DNAJC6: variants seen among roughly 807,000 people sequenced by gnomAD.
DNAJC6 encodes the protein auxilin.
A neutral mutation model predicts 110.0 loss-of-function variants in DNAJC6; 34 were observed. The ratio of observed to expected loss-of-function variants is 0.31; its 90% CI spans 0.24 to 0.41. The LOEUF is 0.41. Among genes scored for constraint, DNAJC6 ranks in the 10% least tolerant of loss-of-function variants. DNAJC6 has a pLI of 1.00. For missense variants in DNAJC6, 1,031 were observed against 1,207.8 expected, an observed-to-expected ratio of 0.85 and a Z score of 2.17; for synonymous variants, 406 against 437.2, an observed-to-expected ratio of 0.93 and a Z score of 0.89.
At chr1:65,324,447 C>T (rs190833831) in intron 1 of DNAJC6, among the ~76,000 whole-genome samples, 3 of 152,132 alleles carry the variant, frequency 2.0e-5, no homozygotes, top group South Asian at 2.1e-4. Flanking sequence ...GCAACCTCCA[C>T]CTCCCGGGTT....
intron 1 of DNAJC6, among the ~76,000 whole-genome samples, chr1:65,358,566 T>C (rs189374488): frequency 2.6e-5 from 4 of 152,202 alleles, no homozygotes; most frequent in Non-Finnish European, 5.9e-5. Context: ...TTGTTATTAT[T>C]TTATGTTTAT....
intron 1 of DNAJC6, among the ~76,000 whole-genome samples, chr1:65,314,074 T>G (rs558191498): frequency 6.6e-6 from 1 of 152,290 alleles, no homozygotes; most frequent in African/African-American, 2.4e-5. Context: ...GAAACAGATA[T>G]TAATACTTTT....
intron 2 of DNAJC6, 88 bp downstream of exon 2, chr1:65,364,873 G>T: frequency 9.3e-6 from 14 of 1,511,474 alleles, no homozygotes; most frequent in Non-Finnish European, 1.3e-5. Flanking sequence ...GGCTCAAAGA[G>T]TGTCAATTTT....
intron 1 of DNAJC6, among the ~76,000 whole-genome samples, chr1:65,321,510 T>C (rs1645197227): frequency 6.6e-6 from 1 of 152,180 alleles, no homozygotes; most frequent in African/African-American, 2.4e-5. Context: ...ATTTAATTTT[T>C]TAAAGACGAT....
At chr1:65,324,927 T>C (rs1645228860) in intron 1 of DNAJC6, among the ~76,000 whole-genome samples, 1 of 152,172 alleles carries the variant, frequency 6.6e-6, no homozygotes, top group Non-Finnish European at 1.5e-5. Flanking sequence ...AGGGAAACCC[T>C]GATATAGGGA....
At chr1:65,371,386 CT>C (rs1422641120) in intron 4 of DNAJC6, among the ~76,000 whole-genome samples, 1 of 152,034 alleles carries the variant, frequency 6.6e-6, no homozygotes, top group East Asian at 1.9e-4. Context: ...CACAAGCACT[CT>C]TAGAATTTTT....
chr1:65,384,259 C>A lies in DNAJC6; in HGVS notation c.733C>A (p.Pro245Thr), dbSNP rs543186155. ...CATTTTCTGTAATCTCTACTCTACT[C>A]CTGGCCCAGCCATTCGATTGCTATA... Reference protein sequence around the residue: ...MFIFCNLYSTPGPAIRLLYAK... With the variant: ...MFIFCNLYSTTGPAIRLLYAK... The change falls in exon 6 of 19, where the codon CCT becomes ACT. Residue 245 changes from proline (P) to threonine (T), a missense_variant. Pro to Thr is a conservative substitution (Grantham distance 38). Coordinates refer to ENST00000371069, the MANE Select transcript of DNAJC6 (RefSeq NM_001256864.2). The A allele has an allele frequency of 6.3e-7, 1 of 1,589,170 alleles. No individual in the cohort carries two copies. Among genetic ancestry groups the A allele is most frequent in the African/African-American group, 1.4e-5 (1 of 73,662 alleles).
chr1:65,375,507 G>C (rs1645753308), intron 4 of DNAJC6, among the ~76,000 whole-genome samples: 1 of 151,004 alleles, frequency 6.6e-6, no homozygotes, highest in African/African-American at 2.4e-5. Flanking sequence ...CTCACTGCAA[G>C]CTCCGCCTCA....
At chr1:65,380,266 A>G (rs1191264240) in intron 5 of DNAJC6, among the ~76,000 whole-genome samples, 1 of 152,330 alleles carries the variant, frequency 6.6e-6, no homozygotes, top group Admixed American at 6.5e-5. Flanking sequence ...GGCTTCAATA[A>G]GTGATTGAAT....
chr1:65,267,560 G>GTT (rs558523000), intron 1 of DNAJC6, among the ~76,000 whole-genome samples: 1 of 146,880 alleles, frequency 6.8e-6, no homozygotes, highest in African/African-American at 2.5e-5. Context: ...CATCACATCG[G>GTT]TTTTTTTTTT....
chr1:65,398,945 T>C (rs1646005286), intron 14 of DNAJC6, 64 bp downstream of exon 14: 1 of 1,523,784 alleles, frequency 6.6e-7, no homozygotes, highest in African/African-American at 1.4e-5. Context: ...TTACCCAAGA[T>C]GAAGTGAGTA....
intron 8 of DNAJC6, 114 bp from the exon 9 acceptor site, chr1:65,388,222 C>T: frequency 9.9e-6 from 9 of 905,802 alleles, no homozygotes; most frequent in Non-Finnish European, 1.6e-5. Flanking sequence ...CCATAGTAAA[C>T]ACAAATTCAG....
At chr1:65,319,661 A>G (rs1217534988) in intron 1 of DNAJC6, among the ~76,000 whole-genome samples, 4 of 152,188 alleles carry the variant, frequency 2.6e-5, no homozygotes, top group Non-Finnish European at 5.9e-5. Context: ...CAAAAAAACC[A>G]AAACAACCCT....
At position 65,413,302 on chromosome 1, in the gene DNAJC6, G is replaced by A; in HGVS notation, c.*277G>A. 3.1e-6 allele frequency: 1 copy of A among 321,226 alleles called. No homozygotes were observed. The allele number at this position is 321,226 out of a possible 1,614,324, so 19.9% of individuals were successfully genotyped here. On this transcript the variant is annotated 3_prime_UTR_variant, in exon 19 of 19. Coordinates refer to ENST00000371069, the MANE Select transcript of DNAJC6 (RefSeq NM_001256864.2). ...CCCTGCCCTTTGGGGAGCCTACTCA[G>A]CATTCTACCTGGGGAAATGGAAAAC...
intron 1 of DNAJC6, among the ~76,000 whole-genome samples, chr1:65,358,279 C>T (rs1645564400): frequency 6.6e-6 from 1 of 151,780 alleles, no homozygotes; most frequent in Admixed American, 6.6e-5. Flanking sequence ...CATCATTTTC[C>T]CAGATATAAT....
At position 65,334,875 on chromosome 1, in the gene DNAJC6, C is replaced by T. The variant is rs756889380; in HGVS notation, c.193+24937C>T. ...AACAATGACTATAAAATTTGAAGGCCTGTTATATTATAGGTGTGAAACTTC... is the reference window on the plus strand; with the variant it reads ...AACAATGACTATAAAATTTGAAGGCTTGTTATATTATAGGTGTGAAACTTC... On this transcript the variant is annotated intron_variant, in intron 1 of 18. Transcript: ENST00000371069. Among the ~76,000 whole-genome samples the T allele has an allele frequency of 2.0e-5, 3 of 152,208 alleles. No individual in the cohort carries two copies. In the South Asian group the frequency reaches 6.2e-4, roughly 32 times the overall value.
chr1:65,373,543 T>G (rs375018931), intron 4 of DNAJC6, among the ~76,000 whole-genome samples: 3 of 152,326 alleles, frequency 2.0e-5, no homozygotes, highest in African/African-American at 7.2e-5. Flanking sequence ...TGTTGGACAT[T>G]TTTTCATATA....
At position 65,309,693 on chromosome 1, in the gene DNAJC6, T is replaced by C; in HGVS notation, c.-53T>C. The stretch of plus-strand genomic sequence containing the variant: ...CTTCTTCAGCCCTTTCCACCTTCCA[T>C]CTCCCTTTTCGCTTCCCAGGTTGAT... On this transcript the variant is annotated 5_prime_UTR_variant, in exon 1 of 19. Transcript: ENST00000371069. 2 of 1,533,478 alleles carry C rather than the reference T, an allele frequency of 1.3e-6. No homozygotes were observed. The highest frequency in any genetic ancestry group is 1.8e-6 in the Non-Finnish European group (2 of 1,139,428). 95.0% of individuals were successfully genotyped at this position (1,533,478 alleles called of 1,614,324 possible).
At chr1:65,305,131 C>A (rs531685137), upstream of DNAJC6, among the ~76,000 whole-genome samples, 27 of 152,326 alleles carry the variant, frequency 1.8e-4, no homozygotes, top group Non-Finnish European at 1.0e-4. Context: ...GAAACCTGAT[C>A]ATAATATATT....
Sources: allele counts gnomAD v4.1 joint callset (sites outside exome capture counted in the v4.1 genomes callset), GRCh38; gene constraint gnomAD v4.1.1; transcripts MANE v1.5; gene names NCBI Gene and HGNC (gene_info 2026-07-23, HGNC 2026-07-21).